Variants in HEATR4 observed in about 807,000 individuals in gnomAD.
HEATR4 encodes HEAT repeat-containing protein 4.
A neutral mutation model predicts 108.8 loss-of-function variants in HEATR4; 95 were observed. The ratio of observed to expected loss-of-function variants is 0.87; its 90% confidence interval spans 0.74 to 1.04. The LOEUF (loss-of-function observed/expected upper bound fraction) is 1.04, where lower values mean the gene tolerates loss of function less well. Ranked by LOEUF, HEATR4 falls within the 50% of genes least tolerant of loss-of-function variation. The pLI is 0.00. For missense variants in HEATR4, 1,152 were observed against 1,253.8 expected (o/e 0.92, Z 1.23); for synonymous variants, 443 against 459.4 (o/e 0.96, Z 0.46).
Position 73,546,049 on chromosome 14 carries a change from T to C in HEATR4, c.-152+12702A>G, listed in dbSNP as rs1468381795. 1.8e-5 allele frequency among the ~76,000 whole-genome samples: 2 copies of C among 113,884 alleles called. 1 individual carries two copies. Among genetic ancestry groups the C allele is most frequent in the Non-Finnish European group, 3.8e-5 (2 of 52,406 alleles). The allele number at this position is 113,884 out of a possible 152,430, so 74.7% of individuals were successfully genotyped here. ...CAGGCTAGAGTACAATGGCTTGATC[T>C]CGGCTCACTGCAACCTCCGCCTCCT... is the stretch of plus-strand genomic sequence containing the variant. On this transcript the variant is annotated intron_variant, in intron 1 of 17. Coordinates refer to ENST00000553558, the MANE Select transcript of HEATR4 (RefSeq NM_001220484.1).
At position 73,542,195 on chromosome 14, in the gene HEATR4, G is replaced by A. The variant is rs1284352872; in HGVS notation, c.-151-11951C>T. ...TTTTTTTTAGTAGAGATGGGGTTTC[G>A]CCATGTTGGCCAGGCTGGTCTCAAA... On this transcript the variant is annotated intron_variant, in intron 1 of 17. Transcript: ENST00000553558. Among the ~76,000 whole-genome samples, 25 of 104,866 alleles carry A rather than the reference G, an allele frequency of 2.4e-4. 7 individuals carry two copies. Among genetic ancestry groups the A allele is most frequent in the Non-Finnish European group, 3.4e-4 (17 of 49,770 alleles). 68.8% of individuals were successfully genotyped at this position (104,866 alleles called of 152,430 possible).
the HEATR4 span, among the ~76,000 whole-genome samples, chr14:73,587,716 C>G: frequency 6.6e-6 from 1 of 152,202 alleles, no homozygotes; most frequent in African/African-American, 2.4e-5. Flanking sequence ...AGTAAAATTT[C>G]TGCTAGGAAC....
Position 73,498,165 on chromosome 14 carries a change from C to G in HEATR4, c.2536G>C (p.Ala846Pro). Residue 846 changes from alanine (A) to proline (P), a missense_variant, in exon 14 of 18, where the codon GCT (alanine) becomes CCT (proline). Transcript: ENST00000553558. The stretch of plus-strand genomic sequence containing the variant: ...AGGTTTAGTGCTTACTTTAGAACAG[C>G]ATCGTGGTTCTCCAGGAGCAGCACG... ...LDVLLLENHD[A>P]VLKEMYQTMK... 4 of 1,611,300 alleles carry G rather than the reference C, an allele frequency of 2.5e-6. No homozygotes were observed. The highest frequency in any genetic ancestry group is 2.5e-6 in the Non-Finnish European group (3 of 1,178,010).
chr14:73,539,976 C>T lies in HEATR4; in HGVS notation c.-151-9732G>A, dbSNP rs1162737430. On this transcript the variant is annotated intron_variant, in intron 1 of 17. Transcript: ENST00000553558. Reference sequence around the variant, plus strand: ...GAGGTTACTGGATACTTTTATATTACATAAAGAGCAATCAGCCAGTGTAGA... The same window carrying T: ...GAGGTTACTGGATACTTTTATATTATATAAAGAGCAATCAGCCAGTGTAGA... 1.7e-5 allele frequency among the ~76,000 whole-genome samples: 2 copies of T among 116,014 alleles called. 1 individual carries two copies. The highest frequency in any genetic ancestry group is 5.6e-5 in the African/African-American group (2 of 35,556). 76.1% of individuals were successfully genotyped at this position (116,014 alleles called of 152,430 possible). A position where few individuals can be genotyped will look rare whatever the true frequency, so the allele number is the denominator to read the frequency against.
the HEATR4 span, among the ~76,000 whole-genome samples, chr14:73,593,336 C>CTTT: frequency 7.2e-4 from 75 of 104,836 alleles, no homozygotes; most frequent in East Asian, 1.1e-3. Flanking sequence ...TTCTTTCTTT[C>CTTT]TTTTTTTTTT....
chr14:73,501,491 G>T (rs1239440442), intron 11 of HEATR4, among the ~76,000 whole-genome samples: 2 of 151,058 alleles, frequency 1.3e-5, no homozygotes, highest in Non-Finnish European at 2.9e-5. Flanking sequence ...CTGACCTCAA[G>T]TGATTCTCCT....
the HEATR4 span, chr14:73,582,517 G>A: frequency 6.6e-6 from 1 of 151,582 alleles, no homozygotes. Flanking sequence ...GCTCATTCAA[G>A]CAAAGCTGTC....
rs543900161 is a variant in HEATR4 at position 73,509,251 on chromosome 14, A to T, written c.1720+61T>A. On this transcript the variant is annotated intron_variant, in intron 8 of 17. Coordinates refer to ENST00000553558, the MANE Select transcript of HEATR4 (RefSeq NM_001220484.1). ...CACAGTGGAGAGGAAAGGACTGGGA[A>T]AGCTGATAGTGAGATGTCTATCCCA... 22 of 1,498,050 alleles carry T rather than the reference A, an allele frequency of 1.5e-5. No homozygotes were observed. The African/African-American group carries it at 3.0e-4, about 21-fold the overall frequency. 92.8% of individuals were successfully genotyped at this position (1,498,050 alleles called of 1,614,324 possible).
At chr14:73,570,976 C>CT in the HEATR4 span, among the ~76,000 whole-genome samples, 11,896 of 74,174 alleles carry the variant, frequency 0.16, 631 homozygotes, top group East Asian at 0.4. Context: ...TAGGAAGCCA[C>CT]TTTTTTTTTT....
At chr14:73,561,078 G>T (rs917991924), upstream of HEATR4, among the ~76,000 whole-genome samples, 13 of 152,016 alleles carry the variant, frequency 8.6e-5, no homozygotes, top group African/African-American at 3.1e-4. Flanking sequence ...AAAAAGGAAT[G>T]AAATGGGCTG....
At chr14:73,599,021 G>A in the HEATR4 span, among the ~76,000 whole-genome samples, 1 of 151,726 alleles carries the variant, frequency 6.6e-6, no homozygotes, top group East Asian at 1.9e-4. Context: ...ACAAAAAGAA[G>A]TTTGACTACC....
intron 15 of HEATR4, 38 bp downstream of exon 15, chr14:73,496,563 T>C: frequency 7.5e-7 from 1 of 1,337,088 alleles, no homozygotes; most frequent in Non-Finnish European, 1.1e-6. Context: ...TTGAGAGTCC[T>C]GAATTTTCTC....
At chr14:73,577,712 T>G in the HEATR4 span, among the ~76,000 whole-genome samples, 1 of 152,120 alleles carries the variant, frequency 6.6e-6, no homozygotes, top group East Asian at 1.9e-4. Flanking sequence ...TGGTGAATAT[T>G]AAAAGCACTA....
the HEATR4 span, among the ~76,000 whole-genome samples, chr14:73,628,937 C>T: frequency 6.6e-6 from 1 of 151,804 alleles, no homozygotes; most frequent in Non-Finnish European, 1.5e-5. Flanking sequence ...CGCCTGTAAT[C>T]CCACCTACTT....
chr14:73,592,395 G>A, the HEATR4 span: 3 of 1,542,000 alleles, frequency 1.9e-6, no homozygotes, highest in Non-Finnish European at 2.6e-6. Context: ...CCGGGTGCGC[G>A]CCACGCTCTT....
At chr14:73,487,437 G>T (rs970675984) in intron 17 of HEATR4, among the ~76,000 whole-genome samples, 1 of 152,070 alleles carries the variant, frequency 6.6e-6, no homozygotes. Context: ...ATGGTAGGGG[G>T]TGCCTGTAAT....
the HEATR4 span, among the ~76,000 whole-genome samples, chr14:73,622,063 T>C: frequency 6.6e-6 from 1 of 152,016 alleles, no homozygotes; most frequent in African/African-American, 2.4e-5. Flanking sequence ...GCGCCTGGCC[T>C]GTGTAGTATA....
the HEATR4 span, chr14:73,571,737 T>C: frequency 1.3e-5 from 2 of 152,008 alleles, no homozygotes; most frequent in African/African-American, 2.4e-5. Flanking sequence ...CCTAGGGGTA[T>C]GGGGCCCAGA....
the HEATR4 span, among the ~76,000 whole-genome samples, chr14:73,588,003 CATT>C: frequency 2.7e-5 from 4 of 149,450 alleles, no homozygotes; most frequent in Non-Finnish European, 5.9e-5. Context: ...TTATTTCTCT[CATT>C]TTTTTTTTTT....
Sources: allele counts gnomAD v4.1 joint callset (sites outside exome capture counted in the v4.1 genomes callset), GRCh38; gene constraint gnomAD v4.1.1; transcripts MANE v1.5; gene names NCBI Gene and HGNC (gene_info 2026-07-23, HGNC 2026-07-21).